Variants in KCNH7 observed in about 807,000 individuals in gnomAD.
The protein encoded by KCNH7 is potassium voltage-gated channel subfamily H member 7.
A neutral mutation model predicts 120.8 loss-of-function variants in KCNH7; 49 were observed. The observed-to-expected ratio is 0.41, with a 90% CI of 0.32 to 0.51. The LOEUF (loss-of-function observed/expected upper bound fraction) is 0.51, where lower values mean the gene tolerates loss of function less well. KCNH7 is among the 20% of genes least tolerant of loss of function. The pLI is 0.38. For synonymous variants in KCNH7, 547 were observed against 516.1 expected (o/e 1.06, Z -0.81); for missense variants, 1,097 against 1,446.6 (o/e 0.76, Z 3.92).
At chr2:162,469,952 G>T (rs1252613060) in intron 6 of KCNH7, among the ~76,000 whole-genome samples, 1 of 152,192 alleles carries the variant, frequency 6.6e-6, no homozygotes, top group African/African-American at 2.4e-5. Flanking sequence ...CGAGTGATCC[G>T]CCAGCCTCGG....
chr2:162,588,897 C>A (rs1694111417), intron 2 of KCNH7, among the ~76,000 whole-genome samples: 1 of 151,948 alleles, frequency 6.6e-6, no homozygotes, highest in African/African-American at 2.4e-5. Context: ...ACCCACCTAC[C>A]CTCTTTCCTC....
At chr2:162,586,446 C>G (rs1053315416) in intron 2 of KCNH7, among the ~76,000 whole-genome samples, 1 of 151,998 alleles carries the variant, frequency 6.6e-6, no homozygotes, top group Non-Finnish European at 1.5e-5. Context: ...TTAGTGGAGC[C>G]ATCTTAGACA....
At chr2:162,511,871 G>T (rs1157331689) in intron 5 of KCNH7, among the ~76,000 whole-genome samples, 1 of 151,664 alleles carries the variant, frequency 6.6e-6, no homozygotes, top group African/African-American at 2.4e-5. Context: ...ATCACCATTT[G>T]CACACCCACA....
chr2:162,835,909 A>C (rs1300137965), intron 2 of KCNH7, among the ~76,000 whole-genome samples: 1 of 151,616 alleles, frequency 6.6e-6, no homozygotes, highest in Non-Finnish European at 1.5e-5. Flanking sequence ...TAATAACTCC[A>C]CAGTATCATA....
At chr2:162,755,053 G>A (rs1401920329) in intron 2 of KCNH7, among the ~76,000 whole-genome samples, 2 of 152,080 alleles carry the variant, frequency 1.3e-5, no homozygotes, top group African/African-American at 4.8e-5. Flanking sequence ...AAGATTCTCT[G>A]ACAGTTTTTT....
intron 3 of KCNH7, among the ~76,000 whole-genome samples, chr2:162,525,133 A>C (rs983671263): frequency 2.0e-4 from 30 of 151,988 alleles, no homozygotes; most frequent in African/African-American, 7.2e-4. Context: ...ATGCCATGAA[A>C]GACTAAGAAT....
At position 162,413,424 on chromosome 2, in the gene KCNH7, G is replaced by T. The variant is rs1687451421; in HGVS notation, c.2154+9912C>A. 1.3e-5 allele frequency among the ~76,000 whole-genome samples: 2 copies of T among 152,116 alleles called. 1 individual carries two copies. Among genetic ancestry groups the T allele is most frequent in the Non-Finnish European group, 2.9e-5 (2 of 68,026 alleles). On this transcript the variant is annotated intron_variant, in intron 9 of 15. Coordinates refer to ENST00000332142, the MANE Select transcript of KCNH7 (RefSeq NM_033272.4). ...TTACAGGGGTGAGCCACTGTGCCCAGCCAAACCATTCTTATACTACACTGA... is the reference window on the plus strand; with the variant it reads ...TTACAGGGGTGAGCCACTGTGCCCATCCAAACCATTCTTATACTACACTGA...
intron 2 of KCNH7, among the ~76,000 whole-genome samples, chr2:162,564,257 C>T (rs1437219559): frequency 6.8e-6 from 1 of 148,066 alleles, no homozygotes; most frequent in Non-Finnish European, 1.5e-5. Flanking sequence ...ACGGTTAGGA[C>T]CTGTATTTCT....
chr2:162,742,815 T>C (rs1688184120), intron 2 of KCNH7, among the ~76,000 whole-genome samples: 1 of 152,312 alleles, frequency 6.6e-6, no homozygotes, highest in East Asian at 1.9e-4. Context: ...TTAACGGCTC[T>C]TGTGACAAAA....
chr2:162,426,520 T>C (rs1458752349), intron 8 of KCNH7, among the ~76,000 whole-genome samples: 2 of 152,136 alleles, frequency 1.3e-5, no homozygotes, highest in Non-Finnish European at 2.9e-5. Flanking sequence ...ATCCAAATGG[T>C]TTGCTTTAGT....
intron 2 of KCNH7, among the ~76,000 whole-genome samples, chr2:162,645,330 T>A (rs890069453): frequency 6.6e-6 from 1 of 152,112 alleles, no homozygotes; most frequent in Admixed American, 6.5e-5. Context: ...ATACTTTTAG[T>A]AGAGACGGAA....
rs75985895 is a variant in KCNH7, at chr2:162,376,884, A to G, written c.3131+2969T>C. 3.3e-3 allele frequency among the ~76,000 whole-genome samples: 496 copies of G among 152,318 alleles called. 1 individual carries two copies. The highest frequency in any genetic ancestry group is 0.01 in the Middle Eastern group (3 of 294). On this transcript the variant is annotated intron_variant, in intron 14 of 15. Transcript: ENST00000332142. The stretch of plus-strand genomic sequence containing the variant: ...GCATAATATATAAATACAGAATAAC[A>G]TTTCTTATGTAAACCTTTAACCCTA...
At chr2:162,381,698 G>A (rs1482696401) in intron 13 of KCNH7, among the ~76,000 whole-genome samples, 5 of 151,996 alleles carry the variant, frequency 3.3e-5, no homozygotes, top group Admixed American at 6.6e-5. Context: ...TCCTGATTAC[G>A]GCTTTTGTTC....
At position 162,474,307 on chromosome 2, in the gene KCNH7, T is replaced by G. The variant is rs530373248; in HGVS notation, c.1129-27864A>C. Among the ~76,000 whole-genome samples, 16 of 152,338 alleles carry G rather than the reference T, an allele frequency of 1.1e-4. No individual in the cohort carries two copies. The South Asian group carries it at 3.1e-3, about 30-fold the overall frequency. Reference sequence around the variant, plus strand: ...ATGCACTGTATATAAAGGGTCATAATAAGAAGATTAGACATTCTCTTGAGG... The same window carrying G: ...ATGCACTGTATATAAAGGGTCATAAGAAGAAGATTAGACATTCTCTTGAGG... On this transcript the variant is annotated intron_variant, in intron 6 of 15. Transcript: ENST00000332142.
intron 2 of KCNH7, among the ~76,000 whole-genome samples, chr2:162,711,059 T>C (rs1300908733): frequency 2.6e-5 from 4 of 152,170 alleles, no homozygotes; most frequent in East Asian, 1.9e-4. Context: ...TATAATACAT[T>C]TCCATGTGTC....
intron 1 of KCNH7, among the ~76,000 whole-genome samples, chr2:162,837,516 T>C (rs1345256463): frequency 6.6e-6 from 1 of 152,174 alleles, no homozygotes; most frequent in Non-Finnish European, 1.5e-5. Flanking sequence ...TATTTCCACA[T>C]AGATTGTGAA....
chr2:162,565,121 A>C (rs1693208497), intron 2 of KCNH7, among the ~76,000 whole-genome samples: 1 of 152,128 alleles, frequency 6.6e-6, no homozygotes, highest in Non-Finnish European at 1.5e-5. Flanking sequence ...TGGGCTGGCA[A>C]AATGCCTGCT....
chr2:162,774,526 A>T (rs7574903), intron 2 of KCNH7, among the ~76,000 whole-genome samples: 3,327 of 151,834 alleles, frequency 0.022, 115 homozygotes, highest in African/African-American at 0.074. Flanking sequence ...GGTTTCTTCT[A>T]ACTTAGAGCC....
At chr2:162,536,875 A>G (rs889701909) in intron 3 of KCNH7, 50 bp downstream of exon 3, 1 of 1,488,890 alleles carries the variant, frequency 6.7e-7, no homozygotes, top group African/African-American at 1.4e-5. Context: ...TAAAGTGACT[A>G]CAGTAGCAGA....
Sources: allele counts gnomAD v4.1 joint callset (sites outside exome capture counted in the v4.1 genomes callset), GRCh38; gene constraint gnomAD v4.1.1; transcripts MANE v1.5; gene names NCBI Gene and HGNC (gene_info 2026-07-23, HGNC 2026-07-21).